Variants in RAPGEF5 observed in about 807,000 individuals in gnomAD.
RAPGEF5 encodes the protein M-Ras-regulated GEF.
Under a neutral mutation model 125.2 loss-of-function variants are expected in RAPGEF5, and 65 were observed. That is an observed-to-expected ratio of 0.52 (90% CI 0.43 to 0.64). The LOEUF (loss-of-function observed/expected upper bound fraction) is 0.64, where lower values mean the gene tolerates loss of function less well. RAPGEF5 is among the 30% of genes least tolerant of loss of function. The pLI is 0.00. For synonymous variants in RAPGEF5, 391 were observed against 385.9 expected, an observed-to-expected ratio of 1.01 and a Z score of -0.16; for missense variants, 958 against 1,048.1, an observed-to-expected ratio of 0.91 and a Z score of 1.19.
In RAPGEF5 at chr7:22,139,962, A is replaced by C. The variant is rs561602109; in HGVS notation, c.2277+63T>G. 7.3e-6 allele frequency: 10 copies of C among 1,370,928 alleles called. No individual in the cohort carries two copies. In the East Asian group the frequency reaches 2.3e-4, roughly 31 times the overall value. 84.9% of individuals were successfully genotyped at this position (1,370,928 alleles called of 1,614,324 possible). A position where few individuals can be genotyped will look rare whatever the true frequency, so the allele number is the denominator to read the frequency against. On this transcript the variant is annotated intron_variant, in intron 21 of 25. Coordinates refer to ENST00000665637, the MANE Select transcript of RAPGEF5 (RefSeq NM_012294.5). ...TAGTTTAGTAGTACTTATCTCATTT[A>C]ATCCATGTAAATTACTTTATTTCCA...
At chr7:22,326,760 G>A (rs1783821721) in intron 1 of RAPGEF5, among the ~76,000 whole-genome samples, 1 of 152,120 alleles carries the variant, frequency 6.6e-6, no homozygotes, top group Non-Finnish European at 1.5e-5. Context: ...CTAGTAAAGG[G>A]TACAAAGTTC....
At chr7:22,325,973 G>A (rs1783806606) in intron 1 of RAPGEF5, among the ~76,000 whole-genome samples, 1 of 152,168 alleles carries the variant, frequency 6.6e-6, no homozygotes, top group African/African-American at 2.4e-5. Context: ...TCGTCAACAG[G>A]AAAAATGTTC....
At chr7:22,274,738 T>G (rs1194975185) in intron 6 of RAPGEF5, among the ~76,000 whole-genome samples, 1 of 152,220 alleles carries the variant, frequency 6.6e-6, no homozygotes, top group African/African-American at 2.4e-5. Flanking sequence ...CTGATTTAGC[T>G]CAGCCCATCA....
chr7:22,169,759 C>G (rs924827845), intron 11 of RAPGEF5, among the ~76,000 whole-genome samples: 4 of 140,566 alleles, frequency 2.8e-5, no homozygotes, highest in Non-Finnish European at 6.1e-5. Flanking sequence ...ACTCAGGAGG[C>G]TGAGGTAGGA....
At chr7:22,260,801 G>A (rs1375960120) in intron 7 of RAPGEF5, among the ~76,000 whole-genome samples, 4 of 152,054 alleles carry the variant, frequency 2.6e-5, no homozygotes, top group Non-Finnish European at 4.4e-5. Context: ...GAAGAGACTT[G>A]CCTTACCCAC....
intron 17 of RAPGEF5, among the ~76,000 whole-genome samples, chr7:22,151,314 T>A (rs1248882428): frequency 2.6e-5 from 4 of 152,178 alleles, no homozygotes; most frequent in Non-Finnish European, 5.9e-5. Flanking sequence ...TTAGAATTAC[T>A]AGGTCAAAGG....
At chr7:22,151,853 AT>A (rs1261777840) in intron 17 of RAPGEF5, among the ~76,000 whole-genome samples, 2 of 152,100 alleles carry the variant, frequency 1.3e-5, no homozygotes, top group Non-Finnish European at 2.9e-5. Context: ...TAGGTTGAAT[AT>A]TTTTCATATA....
chr7:22,125,810 T>C (rs1782723595), intron 24 of RAPGEF5, among the ~76,000 whole-genome samples, 152 bp from the exon 25 acceptor site: 2 of 152,206 alleles, frequency 1.3e-5, no homozygotes, highest in African/African-American at 2.4e-5. Context: ...TTTGATTCTA[T>C]GGAGCTTGGA....
At chr7:22,167,561 G>T (rs188679400) in intron 11 of RAPGEF5, among the ~76,000 whole-genome samples, 1 of 152,090 alleles carries the variant, frequency 6.6e-6, no homozygotes, top group African/African-American at 2.4e-5. Flanking sequence ...ATAAATTAAG[G>T]TTTTTTCCAA....
intron 8 of RAPGEF5, among the ~76,000 whole-genome samples, chr7:22,220,866 C>T (rs1326847617): frequency 3.3e-5 from 5 of 152,074 alleles, no homozygotes; most frequent in Non-Finnish European, 5.9e-5. Flanking sequence ...CTATGGAATC[C>T]GTTTTCCTCA....
At chr7:22,220,166 G>T in intron 8 of RAPGEF5, 175 bp from the exon 9 acceptor site, 1 of 753,530 alleles carries the variant, frequency 1.3e-6, no homozygotes, top group Non-Finnish European at 2.1e-6. Context: ...TAACCTAAGA[G>T]CACCATGCCA....
intron 6 of RAPGEF5, among the ~76,000 whole-genome samples, chr7:22,273,392 G>A (rs573196671): frequency 6.6e-6 from 1 of 150,982 alleles, no homozygotes; most frequent in East Asian, 2.0e-4. Context: ...CTAATTTTTT[G>A]TATTTTTAGT....
intron 6 of RAPGEF5, among the ~76,000 whole-genome samples, chr7:22,271,871 T>A (rs1782435110): frequency 6.6e-6 from 1 of 152,202 alleles, no homozygotes; most frequent in East Asian, 1.9e-4. Flanking sequence ...GGCAGTTTAG[T>A]AGTGCCTTTG....
chr7:22,148,894 C>T (rs527927963), intron 18 of RAPGEF5, among the ~76,000 whole-genome samples: 5 of 152,086 alleles, frequency 3.3e-5, no homozygotes, highest in South Asian at 2.1e-4. Flanking sequence ...TCATGGGGAG[C>T]GGTAAAATCA....
intron 19 of RAPGEF5, among the ~76,000 whole-genome samples, chr7:22,145,922 T>C (rs11766435): frequency 0.048 from 7,353 of 152,196 alleles, 253 homozygotes; most frequent in Middle Eastern, 0.068. Flanking sequence ...AGATGGACCA[T>C]GTGCAAAGCA....
At chr7:22,271,866 T>TTTAG (rs1782435051) in intron 6 of RAPGEF5, among the ~76,000 whole-genome samples, 1 of 152,164 alleles carries the variant, frequency 6.6e-6, no homozygotes, top group Admixed American at 6.5e-5. Context: ...CCTCTGGCAG[T>TTTAG]TTAGTAGTGC....
rs540057798 is a variant in RAPGEF5, at chr7:22,155,869, G to A, written c.1636+941C>T. Among the ~76,000 whole-genome samples the A allele has an allele frequency of 4.6e-5, 7 of 152,334 alleles. No individual in the cohort carries two copies. In the South Asian group the frequency reaches 6.2e-4, roughly 14 times the overall value. ...CTGATAAAAAGAGTCTGGGGGCCTC[G>A]AAATACTTTGCCTCTTTGCAGCTCA... is the stretch of plus-strand genomic sequence containing the variant. On this transcript the variant is annotated intron_variant, in intron 16 of 25. Coordinates refer to ENST00000665637, the MANE Select transcript of RAPGEF5 (RefSeq NM_012294.5).
chr7:22,286,129 G>A (rs1467263880), intron 6 of RAPGEF5, among the ~76,000 whole-genome samples: 3 of 152,098 alleles, frequency 2.0e-5, no homozygotes, highest in African/African-American at 4.8e-5. Context: ...AATGGATAAC[G>A]CGTCTGACTA....
intron 6 of RAPGEF5, among the ~76,000 whole-genome samples, chr7:22,281,910 C>T (rs1782681453): frequency 2.0e-5 from 3 of 152,218 alleles, no homozygotes; most frequent in African/African-American, 4.8e-5. Context: ...AGACACTTCG[C>T]TCTGCCCACC....
Sources: allele counts gnomAD v4.1 joint callset (sites outside exome capture counted in the v4.1 genomes callset), GRCh38; gene constraint gnomAD v4.1.1; transcripts MANE v1.5; gene names NCBI Gene and HGNC (gene_info 2026-07-23, HGNC 2026-07-21).